CDKL4: variants seen among roughly 807,000 people sequenced by gnomAD.
CDKL4 encodes cyclin dependent kinase like 4.
A neutral mutation model predicts 42.0 loss-of-function variants in CDKL4; 44 were observed. That is an observed-to-expected ratio of 1.05 (90% CI 0.82 to 1.35). The LOEUF is 1.35. Ranked by LOEUF, CDKL4 falls within the 40% of genes most tolerant of loss-of-function variation. CDKL4 has a pLI of 0.00. For missense variants in CDKL4, 393 were observed against 369.9 expected, an observed-to-expected ratio of 1.06 and a Z score of -0.51; for synonymous variants, 120 against 121.6, an observed-to-expected ratio of 0.99 and a Z score of 0.09.
At position 39,203,258 on chromosome 2, in the gene CDKL4, C is replaced by T. The variant is rs530862771; in HGVS notation, c.454+1269G>A. Among the ~76,000 whole-genome samples the T allele has an allele frequency of 6.6e-4, 100 of 152,210 alleles. 1 individual carries two copies. Among genetic ancestry groups the T allele is most frequent in the African/African-American group, 2.2e-3 (90 of 41,520 alleles). ...TCATGAAAAATTAAAAATATTTATA[C>T]GTTTGGAAGTATTGCCAGTTTAAGA... On this transcript the variant is annotated intron_variant, in intron 5 of 9. Coordinates refer to ENST00000451199, the Ensembl canonical transcript of CDKL4.
At chr2:39,178,313 G>A (rs1479825258) in intron 9 of CDKL4, among the ~76,000 whole-genome samples, 1 of 152,118 alleles carries the variant, frequency 6.6e-6, no homozygotes, top group Non-Finnish European at 1.5e-5. Context: ...CTAATGAGAA[G>A]ACGAATGACT....
rs1192736957 is a variant in CDKL4 at position 39,185,399 on chromosome 2, CAT to C, written c.736-754_736-753del. On this transcript the variant is annotated intron_variant, in intron 7 of 9. Coordinates refer to ENST00000451199, the Ensembl canonical transcript of CDKL4. Reference sequence around the variant, plus strand: ...ATATGTATATATACATGTATATATACATATGTGTATATATACATATATATATA... The same window carrying C: ...ATATGTATATATACATGTATATATACATGTGTATATATACATATATATATA... 3.2e-4 allele frequency among the ~76,000 whole-genome samples: 5 copies of C among 15,526 alleles called. 2 individuals carry two copies. Among genetic ancestry groups the C allele is most frequent in the South Asian group, 3.1e-3 (2 of 652 alleles). The allele number at this position is 15,526 out of a possible 152,430, so 10.2% of individuals were successfully genotyped here. A position where few individuals can be genotyped will look rare whatever the true frequency, so the allele number is the denominator to read the frequency against.
intron 4 of CDKL4, among the ~76,000 whole-genome samples, chr2:39,207,811 T>C (rs745519578): frequency 3.9e-5 from 6 of 152,066 alleles, no homozygotes; most frequent in African/African-American, 9.7e-5. Flanking sequence ...GTAAAAACAA[T>C]TGGAACCTGG....
At chr2:39,206,291 A>G (rs1165568733) in intron 4 of CDKL4, among the ~76,000 whole-genome samples, 2 of 152,142 alleles carry the variant, frequency 1.3e-5, no homozygotes, top group African/African-American at 4.8e-5. Flanking sequence ...GTTGTTGTCC[A>G]GGCTGGTCTT....
At position 39,230,325 on chromosome 2, in the gene CDKL4, C is replaced by A. The variant is rs546940286; in HGVS notation, c.-56-737G>T. Among the ~76,000 whole-genome samples the A allele has an allele frequency of 1.9e-4, 29 of 152,356 alleles. No individual in the cohort carries two copies. The East Asian group carries it at 5.4e-3, about 28-fold the overall frequency. ...TGCCATTGCACTCCAGCTTGGGCAA[C>A]AAGAGTGAAACTCTGTCTGAAAAAC... On this transcript the variant is annotated intron_variant, in intron 1 of 9. Coordinates refer to ENST00000451199, the Ensembl canonical transcript of CDKL4.
At chr2:39,211,746 C>G (rs1379575878) in intron 4 of CDKL4, among the ~76,000 whole-genome samples, 1 of 151,692 alleles carries the variant, frequency 6.6e-6, no homozygotes, top group Non-Finnish European at 1.5e-5. Flanking sequence ...CTAAAACCAT[C>G]AGGGAAACAA....
At chr2:39,245,693 G>A (rs918880646), upstream of CDKL4, among the ~76,000 whole-genome samples, 1 of 152,198 alleles carries the variant, frequency 6.6e-6, no homozygotes, top group Non-Finnish European at 1.5e-5. Flanking sequence ...AACAGCACAC[G>A]TAACTGTTGA....
intron 4 of CDKL4, among the ~76,000 whole-genome samples, chr2:39,210,736 A>G (rs2148348398): frequency 6.6e-6 from 1 of 152,346 alleles, no homozygotes; most frequent in Middle Eastern, 3.4e-3. Flanking sequence ...CAACTTTGAT[A>G]TCTCCTATAG....
At chr2:39,201,263 A>C (rs1400842346) in intron 5 of CDKL4, among the ~76,000 whole-genome samples, 2 of 151,810 alleles carry the variant, frequency 1.3e-5, no homozygotes, top group Non-Finnish European at 2.9e-5. Context: ...CCATAATGTG[A>C]TACCACTTTA....
intron 4 of CDKL4, among the ~76,000 whole-genome samples, chr2:39,212,581 G>C (rs17023430): frequency 0.069 from 10,488 of 151,696 alleles, 1,243 homozygotes; most frequent in African/African-American, 0.24. Context: ...GATTGCTATC[G>C]AGTAAAGGAC....
intron 5 of CDKL4, among the ~76,000 whole-genome samples, chr2:39,201,477 C>T (rs1021880104): frequency 6.6e-6 from 1 of 151,820 alleles, no homozygotes; most frequent in African/African-American, 2.4e-5. Flanking sequence ...GGGTATCTAC[C>T]GAGAGGAAAA....
the CDKL4 span, among the ~76,000 whole-genome samples, chr2:39,170,005 C>G: frequency 6.6e-6 from 1 of 152,122 alleles, no homozygotes; most frequent in Non-Finnish European, 1.5e-5. Flanking sequence ...CAAGTACAGG[C>G]CCACGCCACC....
At chr2:39,201,573 G>A (rs976736382) in intron 5 of CDKL4, among the ~76,000 whole-genome samples, 1 of 152,034 alleles carries the variant, frequency 6.6e-6, no homozygotes, top group Admixed American at 6.5e-5. Flanking sequence ...CAGCCCAAAT[G>A]TCCATCAATC....
In CDKL4 at chr2:39,185,359, T is replaced by C. The variant is rs576214437; in HGVS notation, c.736-712A>G. ...GTATATATATACACATATGTATATA[T>C]ACATATATATATACATATGTATATA... On this transcript the variant is annotated intron_variant, in intron 7 of 9. Coordinates refer to ENST00000451199, the Ensembl canonical transcript of CDKL4. Among the ~76,000 whole-genome samples, 25 of 97,210 alleles carry C rather than the reference T, an allele frequency of 2.6e-4. 3 individuals carry two copies. Among genetic ancestry groups the C allele is most frequent in the African/African-American group, 3.1e-4 (7 of 22,654 alleles). 63.8% of individuals were successfully genotyped at this position (97,210 alleles called of 152,430 possible).
intron 5 of CDKL4, among the ~76,000 whole-genome samples, chr2:39,197,876 A>C (rs1487287081): frequency 6.6e-6 from 1 of 152,224 alleles, no homozygotes; most frequent in East Asian, 1.9e-4. Flanking sequence ...ATACACCAAA[A>C]TAGAATCTCC....
intron 7 of CDKL4, among the ~76,000 whole-genome samples, chr2:39,185,164 ATG>A (rs1675658242): frequency 7.5e-6 from 1 of 133,560 alleles, no homozygotes; most frequent in Non-Finnish European, 1.6e-5. Context: ...ATATACACAT[ATG>A]TATATATATA....
intron 7 of CDKL4, among the ~76,000 whole-genome samples, chr2:39,186,414 GAGTGT>G (rs1675831183): frequency 6.6e-6 from 1 of 152,158 alleles, no homozygotes; most frequent in Non-Finnish European, 1.5e-5. Flanking sequence ...AGCATAGTTG[GAGTGT>G]GGACACATGC....
intron 4 of CDKL4, 58 bp from the exon 5 acceptor site, chr2:39,204,675 TTAAC>T: frequency 1.1e-6 from 1 of 911,106 alleles, no homozygotes; most frequent in Non-Finnish European, 1.8e-6. Context: ...AGAATAAACA[TTAAC>T]TACTAGTTTA....
intron 3 of CDKL4, among the ~76,000 whole-genome samples, chr2:39,218,771 T>A (rs1228988779): frequency 6.6e-6 from 1 of 152,212 alleles, no homozygotes; most frequent in South Asian, 2.1e-4. Context: ...TGAAACTCTC[T>A]GTCCTCTGGG....
Sources: allele counts gnomAD v4.1 joint callset (sites outside exome capture counted in the v4.1 genomes callset), GRCh38; gene constraint gnomAD v4.1.1; transcripts MANE v1.5; gene names NCBI Gene and HGNC (gene_info 2026-07-23, HGNC 2026-07-21).